Variants in ASCC2 observed in about 807,000 individuals in gnomAD.
ASCC2 encodes the protein ASC-1 complex subunit P100.
ASCC2 carries 42 observed loss-of-function variants against 93.5 expected under a neutral mutation model. The ratio of observed to expected loss-of-function variants is 0.45; its 90% CI spans 0.35 to 0.58. The LOEUF (loss-of-function observed/expected upper bound fraction) is 0.58, where lower values mean the gene tolerates loss of function less well. Among genes scored for constraint, ASCC2 ranks in the 20% least tolerant of loss-of-function variants. The pLI is 0.00. For synonymous variants in ASCC2, 364 were observed against 384.2 expected, an observed-to-expected ratio of 0.95 and a Z score of 0.62; for missense variants, 859 against 977.6, an observed-to-expected ratio of 0.88 and a Z score of 1.62.
chr22:29,833,902 A>T (rs1432124751), intron 1 of ASCC2, among the ~76,000 whole-genome samples: 2 of 148,094 alleles, frequency 1.4e-5, no homozygotes, highest in Non-Finnish European at 3.0e-5. Context: ...TTTTAAATAG[A>T]GACGGGGTTT....
intron 8 of ASCC2, among the ~76,000 whole-genome samples, chr22:29,811,020 T>G (rs1741622230): frequency 6.6e-6 from 1 of 152,128 alleles, no homozygotes; most frequent in Non-Finnish European, 1.5e-5. Context: ...CATGAGCCAC[T>G]GCGCCTGGCC....
At chr22:29,810,994 G>C (rs1430351621) in intron 8 of ASCC2, among the ~76,000 whole-genome samples, 1 of 152,146 alleles carries the variant, frequency 6.6e-6, no homozygotes, top group Non-Finnish European at 1.5e-5. Flanking sequence ...GCCTCCCAAA[G>C]TGCTGGAATT....
At chr22:29,834,709 G>A (rs1270631492) in intron 1 of ASCC2, among the ~76,000 whole-genome samples, 2 of 152,132 alleles carry the variant, frequency 1.3e-5, no homozygotes, top group East Asian at 3.8e-4. Flanking sequence ...GGACAACAAG[G>A]ATTACCATGT....
chr22:29,815,524 A>C (rs1460885592), intron 6 of ASCC2, among the ~76,000 whole-genome samples: 1 of 152,170 alleles, frequency 6.6e-6, no homozygotes, highest in Non-Finnish European at 1.5e-5. Context: ...CATTTTAAGA[A>C]GGCTAGCATG....
intron 15 of ASCC2, among the ~76,000 whole-genome samples, chr22:29,798,973 C>T (rs2058762782): frequency 6.6e-6 from 1 of 152,268 alleles, no homozygotes; most frequent in South Asian, 2.1e-4. Flanking sequence ...GCCCAGAGGG[C>T]CCCAGGAACA....
At chr22:29,819,261 A>G (rs1428835508) in intron 5 of ASCC2, among the ~76,000 whole-genome samples, 1 of 152,140 alleles carries the variant, frequency 6.6e-6, no homozygotes. Flanking sequence ...CCCAGGTTCA[A>G]GCGATTCTCC....
chr22:29,825,368 C>A lies in ASCC2; in HGVS notation c.241-111G>T. ...TCAGCCCTGCCCTATTCCAAACACT[C>A]CGACCCCAAGGGACCAAGGAGGTAT... is the stretch of plus-strand genomic sequence containing the variant. On this transcript the variant is annotated intron_variant, in intron 3 of 19. Transcript: ENST00000307790. The surrounding 1 kb of genome is among the most constrained non-coding windows in gnomAD (Gnocchi z 4.9). 2 of 1,370,640 alleles carry A rather than the reference C, an allele frequency of 1.5e-6. No individual in the cohort carries two copies. The highest frequency in any genetic ancestry group is 2.9e-5 in the South Asian group (2 of 69,988). The allele number at this position is 1,370,640 out of a possible 1,614,324, so 84.9% of individuals were successfully genotyped here. A position where few individuals can be genotyped will look rare whatever the true frequency, so the allele number is the denominator to read the frequency against.
At chr22:29,808,263 A>G (rs756203611) in intron 8 of ASCC2, 78 bp from the exon 9 acceptor site, 26 of 1,437,848 alleles carry the variant, frequency 1.8e-5, no homozygotes, top group Non-Finnish European at 2.4e-5. Flanking sequence ...AGCAAACCCC[A>G]GGGAGTGGGA....
At chr22:29,801,199 C>A in intron 14 of ASCC2, 89 bp from the exon 15 acceptor site, 1 of 1,453,742 alleles carries the variant, frequency 6.9e-7, no homozygotes, top group South Asian at 1.4e-5. Context: ...TTAAATCCAT[C>A]GGATTTTTCA....
At chr22:29,799,686 T>C (rs1366747380) in intron 15 of ASCC2, among the ~76,000 whole-genome samples, 1 of 152,238 alleles carries the variant, frequency 6.6e-6, no homozygotes, top group African/African-American at 2.4e-5. Context: ...GGGACTAGAA[T>C]ACATCTTATT....
intron 2 of ASCC2, chr22:29,827,388 A>G: frequency 3.1e-6 from 1 of 320,860 alleles, no homozygotes; most frequent in Non-Finnish European, 6.5e-6. Flanking sequence ...ATCCACTTCC[A>G]GGTCTGTTGA....
chr22:29,837,123 A>T (rs1200005692), intron 1 of ASCC2, among the ~76,000 whole-genome samples: 1 of 152,196 alleles, frequency 6.6e-6, no homozygotes, highest in Non-Finnish European at 1.5e-5. Context: ...TTTTGTCTAA[A>T]GCACGGGTAC....
chr22:29,829,835 C>A (rs185906263), intron 2 of ASCC2, among the ~76,000 whole-genome samples: 1 of 152,152 alleles, frequency 6.6e-6, no homozygotes, highest in African/African-American at 2.4e-5. Flanking sequence ...AAGACTATTT[C>A]TTTTGGGTCT....
chr22:29,801,338 A>G (rs1322485169), intron 14 of ASCC2, among the ~76,000 whole-genome samples: 1 of 152,324 alleles, frequency 6.6e-6, no homozygotes, highest in Non-Finnish European at 1.5e-5. Context: ...CATTCTCTGC[A>G]TGCCATTCAC....
At chr22:29,824,359 A>G (rs1261992650) in intron 4 of ASCC2, among the ~76,000 whole-genome samples, 2 of 152,046 alleles carry the variant, frequency 1.3e-5, no homozygotes, top group Admixed American at 1.3e-4. Flanking sequence ...TCATGCCTGT[A>G]ATTCCAGCAC....
At chr22:29,827,686 C>A (rs575723950) in intron 2 of ASCC2, 31 of 455,446 alleles carry the variant, frequency 6.8e-5, no homozygotes, top group South Asian at 4.8e-4. Flanking sequence ...TCCAAGCTTC[C>A]TCCCTCTTCT....
At chr22:29,821,743 T>C in intron 5 of ASCC2, 2 of 305,208 alleles carry the variant, frequency 6.6e-6, no homozygotes. Context: ...CACTGTAATC[T>C]CAGCTGTTCA....
chr22:29,835,799 C>T (rs962810523), intron 1 of ASCC2, among the ~76,000 whole-genome samples: 6 of 152,120 alleles, frequency 3.9e-5, no homozygotes, highest in Admixed American at 3.9e-4. Flanking sequence ...GCAAACAATT[C>T]CTGAATACAA....
chr22:29,794,939 T>C (rs1482951894), intron 15 of ASCC2, among the ~76,000 whole-genome samples: 3 of 151,390 alleles, frequency 2.0e-5, no homozygotes, highest in Non-Finnish European at 4.4e-5. Context: ...TGGAAGCACC[T>C]GGAGTTGTCT....
Sources: gnomAD v4.1 joint callset for allele counts (sites outside exome capture counted in the v4.1 genomes callset) on GRCh38, gnomAD v4.1.1 for gene constraint, Gnocchi (gnomAD v3.1) non-coding constraint, MANE v1.5 for transcripts, NCBI Gene and HGNC (gene_info 2026-07-23, HGNC 2026-07-21) for gene names.